The following ATG7 variants were observed in gnomAD, a reference collection of about 807,000 sequenced individuals.
ATG7 encodes ubiquitin-like modifier-activating enzyme ATG7.
In ATG7, 70 loss-of-function variants were observed where a neutral mutation model predicts 82.4. The observed-to-expected ratio is 0.85, with a 90% CI of 0.70 to 1.04. The LOEUF is 1.04. Ranked by LOEUF, ATG7 falls within the 50% of genes least tolerant of loss-of-function variation. The pLI, the probability that ATG7 is intolerant of heterozygous loss-of-function variation, is 0.00. For synonymous variants in ATG7, 287 were observed against 313.0 expected, an observed-to-expected ratio of 0.92 and a Z score of 0.88; for missense variants, 792 against 864.3, an observed-to-expected ratio of 0.92 and a Z score of 1.05.
chr3:11,454,678 A>G (rs2085527714), intron 20 of ATG7, among the ~76,000 whole-genome samples: 1 of 152,214 alleles, frequency 6.6e-6, no homozygotes, highest in Admixed American at 6.5e-5. Context: ...GTCCCTTGCA[A>G]CCACAAGTTC....
intron 20 of ATG7, among the ~76,000 whole-genome samples, chr3:11,432,326 TAA>T (rs961949956): frequency 2.0e-5 from 3 of 152,032 alleles, no homozygotes; most frequent in African/African-American, 7.2e-5. Flanking sequence ...TAGGATGCAA[TAA>T]AAAAAATTTT....
chr3:11,473,135 T>C (rs2087733506), intron 20 of ATG7, among the ~76,000 whole-genome samples: 1 of 152,224 alleles, frequency 6.6e-6, no homozygotes, highest in African/African-American at 2.4e-5. Flanking sequence ...TGCAGCTCCC[T>C]CTTATATGGT....
chr3:11,511,483 A>G (rs2092052312), intron 20 of ATG7, among the ~76,000 whole-genome samples: 1 of 152,184 alleles, frequency 6.6e-6, no homozygotes, highest in Admixed American at 6.5e-5. Flanking sequence ...CCTGAGCTAG[A>G]TATAAAGACT....
the ATG7 span, among the ~76,000 whole-genome samples, chr3:11,567,630 C>T: frequency 1.1e-4 from 16 of 152,336 alleles, no homozygotes; most frequent in African/African-American, 3.6e-4. Flanking sequence ...GCACAGGTTT[C>T]TGCAATGAAT....
At chr3:11,395,965 A>G (rs67868453) in intron 19 of ATG7, among the ~76,000 whole-genome samples, 46,589 of 77,870 alleles carry the variant, frequency 0.6, 16,230 homozygotes, top group East Asian at 0.78. Context: ...AAAAAAAAAA[A>G]GGTAGGGGGG....
chr3:11,319,047 G>A (rs1053407241), intron 9 of ATG7, among the ~76,000 whole-genome samples: 4 of 152,158 alleles, frequency 2.6e-5, no homozygotes, highest in Admixed American at 6.5e-5. Flanking sequence ...CCCACTCTGC[G>A]TCCTCAACAT....
chr3:11,429,022 A>C (rs993476861), intron 20 of ATG7, among the ~76,000 whole-genome samples: 1 of 152,174 alleles, frequency 6.6e-6, no homozygotes, highest in Non-Finnish European at 1.5e-5. Flanking sequence ...CACGAGCCTG[A>C]GTTTTCTTTT....
intron 20 of ATG7, among the ~76,000 whole-genome samples, chr3:11,486,822 T>TG (rs1559726511): frequency 4.1e-5 from 5 of 122,122 alleles, no homozygotes; most frequent in Non-Finnish European, 6.4e-5. Context: ...TTGGTTCTGT[T>TG]TTTTTTTTTT....
chr3:11,446,068 G>T (rs1405488513), intron 20 of ATG7, among the ~76,000 whole-genome samples: 1 of 151,854 alleles, frequency 6.6e-6, no homozygotes, highest in Non-Finnish European at 1.5e-5. Flanking sequence ...AGCGACCTTT[G>T]TTCTAATCCC....
rs766172967 is a variant in ATG7, at chr3:11,348,017, G to A, written c.1266G>A (p.Gln422=). Residue 422 remains glutamine (Q), a synonymous_variant, in exon 14 of 21, where the codon CAG becomes CAA. Coordinates refer to ENST00000693202, the MANE Select transcript of ATG7 (RefSeq NM_001349232.2). ...PKALAAADRL[Q]KIFPGVNARG... is the part of the protein sequence containing the mutation. Reference sequence around the variant, plus strand: ...CTCTGGCAGCAGCGGACCGGCTCCAGAAAATATTCCCCGGTGTGGTATGTT... The same window carrying A: ...CTCTGGCAGCAGCGGACCGGCTCCAAAAAATATTCCCCGGTGTGGTATGTT... The A allele has an allele frequency of 1.2e-6, 2 of 1,613,880 alleles. No homozygotes were observed. The highest frequency in any genetic ancestry group is 1.3e-5 in the African/African-American group (1 of 75,056).
At chr3:11,474,282 A>G (rs920974407) in intron 20 of ATG7, among the ~76,000 whole-genome samples, 2 of 152,244 alleles carry the variant, frequency 1.3e-5, no homozygotes, top group African/African-American at 2.4e-5. Flanking sequence ...AGTCACTTTC[A>G]GCTAGTGATG....
At chr3:11,522,996 G>T (rs1178953064) in intron 20 of ATG7, among the ~76,000 whole-genome samples, 2 of 152,136 alleles carry the variant, frequency 1.3e-5, no homozygotes, top group Admixed American at 6.5e-5. Flanking sequence ...TGGACACAAT[G>T]ATACCTTTTA....
chr3:11,525,697 G>A (rs939618523), intron 20 of ATG7, among the ~76,000 whole-genome samples: 73 of 151,724 alleles, frequency 4.8e-4, no homozygotes, highest in Admixed American at 5.9e-4. Context: ...TGGAACTACA[G>A]GTACCCGCCA....
In ATG7 at chr3:11,489,747, T is replaced by TC. The variant is rs2090153195; in HGVS notation, c.2079+62822dup. ...ATTTCGTTATGTACCCAGTAGTCAT[T>TC]CAGGAGCAGGTTGTTCAGTTTCCAT... On this transcript the variant is annotated intron_variant, in intron 20 of 20. Transcript: ENST00000693202. Among the ~76,000 whole-genome samples the TC allele has an allele frequency of 2.7e-5, 4 of 150,174 alleles. No individual in the cohort carries two copies. In the South Asian group the frequency reaches 6.4e-4, roughly 24 times the overall value.
Position 11,484,325 on chromosome 3 carries a change from C to T in ATG7, c.2079+57399C>T, listed in dbSNP as rs561981457. 5.7e-4 allele frequency among the ~76,000 whole-genome samples: 87 copies of T among 152,240 alleles called. 1 individual carries two copies. Among genetic ancestry groups the T allele is most frequent in the Non-Finnish European group, 7.4e-5 (5 of 68,020 alleles). On this transcript the variant is annotated intron_variant, in intron 20 of 20. Coordinates refer to ENST00000693202, the MANE Select transcript of ATG7 (RefSeq NM_001349232.2). ...AGGAGAATTACTTGAACCCAGGAGGCGGAGGCTGCAGTGAGCCAAAATCAT... is the reference window on the plus strand; with the variant it reads ...AGGAGAATTACTTGAACCCAGGAGGTGGAGGCTGCAGTGAGCCAAAATCAT...
chr3:11,466,781 C>T lies in ATG7; in HGVS notation c.2079+39855C>T, dbSNP rs2086867321. On this transcript the variant is annotated intron_variant, in intron 20 of 20. Transcript: ENST00000693202. Reference sequence around the variant, plus strand: ...TCAGAATGACAGCTTGTAGTACACTCATTTGTGTTCACAGATCTCAGAAAT... The same window carrying T: ...TCAGAATGACAGCTTGTAGTACACTTATTTGTGTTCACAGATCTCAGAAAT... Among the ~76,000 whole-genome samples, 3 of 152,178 alleles carry T rather than the reference C, an allele frequency of 2.0e-5. No individual in the cohort carries two copies. The South Asian group carries it at 6.2e-4, about 32-fold the overall frequency.
chr3:11,464,931 CT>C (rs2086674964), intron 20 of ATG7, among the ~76,000 whole-genome samples: 1 of 152,146 alleles, frequency 6.6e-6, no homozygotes, highest in Admixed American at 6.5e-5. Context: ...ATTTGAAGCA[CT>C]TTGCACAGTT....
At chr3:11,536,878 G>A (rs1194893701) in intron 20 of ATG7, among the ~76,000 whole-genome samples, 1 of 152,098 alleles carries the variant, frequency 6.6e-6, no homozygotes, top group African/African-American at 2.4e-5. Flanking sequence ...GTCCAGCTCT[G>A]GAATTTTAGG....
intron 20 of ATG7, among the ~76,000 whole-genome samples, chr3:11,545,399 C>A (rs62245952): frequency 6.7e-4 from 102 of 152,352 alleles, no homozygotes; most frequent in Non-Finnish European, 9.8e-4. Context: ...AGATCCTTCT[C>A]TTGTGGGCAT....
Sources: gnomAD v4.1 joint callset for allele counts (sites outside exome capture counted in the v4.1 genomes callset) on GRCh38, gnomAD v4.1.1 for gene constraint, MANE v1.5 for transcripts, NCBI Gene and HGNC (gene_info 2026-07-23, HGNC 2026-07-21) for gene names.